The following GABRG3 variants were observed in gnomAD, a reference collection of about 807,000 sequenced individuals.
GABRG3 encodes the protein gamma-aminobutyric acid receptor subunit gamma-3.
GABRG3 carries 25 observed loss-of-function variants against 48.8 expected under a neutral mutation model. That is an observed-to-expected ratio of 0.51 (90% CI 0.37 to 0.72). The LOEUF (loss-of-function observed/expected upper bound fraction) is 0.72, where lower values mean the gene tolerates loss of function less well. Ranked by LOEUF, GABRG3 falls within the 30% of genes least tolerant of loss-of-function variation. The pLI is 0.00. For missense variants in GABRG3, 394 were observed against 577.9 expected (o/e 0.68, Z 3.26); for synonymous variants, 227 against 217.6 (o/e 1.04, Z -0.38).
intron 3 of GABRG3, among the ~76,000 whole-genome samples, chr15:27,073,834 G>A (rs181750420): frequency 6.6e-6 from 1 of 152,338 alleles, no homozygotes; most frequent in East Asian, 1.9e-4. Flanking sequence ...AACTGAGGAA[G>A]GATCACTGCC....
chr15:27,117,645 A>G (rs952522496), intron 3 of GABRG3, among the ~76,000 whole-genome samples: 1 of 152,234 alleles, frequency 6.6e-6, no homozygotes, highest in African/African-American at 2.4e-5. Flanking sequence ...AGGGCTGCTC[A>G]GATTATTAGA....
chr15:27,086,767 G>A (rs1361698789), intron 3 of GABRG3, among the ~76,000 whole-genome samples: 1 of 152,188 alleles, frequency 6.6e-6, no homozygotes, highest in Non-Finnish European at 1.5e-5. Flanking sequence ...TGTTTTGTTT[G>A]TAGCAGTTTC....
chr15:27,106,218 G>A (rs1897447422), intron 3 of GABRG3, among the ~76,000 whole-genome samples: 1 of 151,962 alleles, frequency 6.6e-6, no homozygotes, highest in South Asian at 2.1e-4. Context: ...CATAACAGGA[G>A]ATAATAAAAT....
intron 5 of GABRG3, among the ~76,000 whole-genome samples, chr15:27,336,931 C>T (rs1893997033): frequency 6.6e-6 from 1 of 152,152 alleles, no homozygotes; most frequent in African/African-American, 2.4e-5. Flanking sequence ...TGTGGGATCC[C>T]ATTTATATAA....
chr15:27,407,260 G>A (rs991217936), intron 5 of GABRG3, among the ~76,000 whole-genome samples: 3 of 152,088 alleles, frequency 2.0e-5, no homozygotes, highest in Admixed American at 6.5e-5. Flanking sequence ...ATAATTGGCT[G>A]CCACTTACTA....
chr15:27,195,378 C>T (rs1291341843), intron 3 of GABRG3, among the ~76,000 whole-genome samples: 1 of 152,160 alleles, frequency 6.6e-6, no homozygotes, highest in Non-Finnish European at 1.5e-5. Flanking sequence ...TGTCACCAGG[C>T]TGGAGTGCAG....
At position 26,971,531 on chromosome 15, in the gene GABRG3, G is replaced by A; in HGVS notation, c.-5G>A. 1 of 1,526,136 alleles carries A rather than the reference G, an allele frequency of 6.6e-7. No homozygotes were observed. 94.5% of individuals were successfully genotyped at this position (1,526,136 alleles called of 1,614,324 possible). The stretch of plus-strand genomic sequence containing the variant: ...CGGACCCTGCGCCCCGAGCTCCACG[G>A]CACCATGGCCCCGAAGCTGCTGCTC... On this transcript the variant is annotated 5_prime_UTR_variant, in exon 1 of 10. Coordinates refer to ENST00000615808, the MANE Select transcript of GABRG3 (RefSeq NM_033223.5).
intron 5 of GABRG3, among the ~76,000 whole-genome samples, chr15:27,479,291 G>C (rs1200839983): frequency 1.3e-5 from 2 of 152,246 alleles, no homozygotes; most frequent in African/African-American, 4.8e-5. Flanking sequence ...CATGGCCAAT[G>C]GCCAAGGACA....
At chr15:27,251,178 G>T (rs1008394125) in intron 3 of GABRG3, among the ~76,000 whole-genome samples, 1 of 152,178 alleles carries the variant, frequency 6.6e-6, no homozygotes, top group African/African-American at 2.4e-5. Context: ...CCCTAAGAGA[G>T]AATGTCTTTC....
intron 7 of GABRG3, among the ~76,000 whole-genome samples, chr15:27,524,183 A>T (rs1891222389): frequency 6.6e-6 from 1 of 152,080 alleles, no homozygotes; most frequent in Non-Finnish European, 1.5e-5. Context: ...ATGACAATGG[A>T]TTTCTCATCC....
intron 3 of GABRG3, among the ~76,000 whole-genome samples, chr15:27,147,493 G>A (rs1338447573): frequency 6.6e-6 from 1 of 152,016 alleles, no homozygotes; most frequent in Admixed American, 6.5e-5. Flanking sequence ...CCCAATGACA[G>A]TGGAATACAT....
chr15:27,033,214 T>C (rs1433010397), intron 3 of GABRG3, among the ~76,000 whole-genome samples: 1 of 151,714 alleles, frequency 6.6e-6, no homozygotes, highest in East Asian at 1.9e-4. Flanking sequence ...TCACATTACG[T>C]GCCCTGTCAG....
chr15:26,988,364 A>C (rs1895187525), intron 2 of GABRG3, among the ~76,000 whole-genome samples: 1 of 152,184 alleles, frequency 6.6e-6, no homozygotes, highest in Non-Finnish European at 1.5e-5. Context: ...TTAATTAATT[A>C]ACCACTTTAT....
chr15:27,480,457 C>T (rs1306183110), intron 5 of GABRG3, among the ~76,000 whole-genome samples, 193 bp from the exon 6 acceptor site: 1 of 152,196 alleles, frequency 6.6e-6, no homozygotes, highest in Non-Finnish European at 1.5e-5. Context: ...TCGTGAAGAT[C>T]TACAGCTGGA....
intron 5 of GABRG3, among the ~76,000 whole-genome samples, chr15:27,338,550 T>A (rs1894055588): frequency 6.6e-6 from 1 of 152,064 alleles, no homozygotes; most frequent in African/African-American, 2.4e-5. Flanking sequence ...AGGCCACAGG[T>A]CTGTGCAGAG....
intron 3 of GABRG3, among the ~76,000 whole-genome samples, chr15:27,137,300 C>T (rs1333287018): frequency 6.6e-6 from 1 of 152,204 alleles, no homozygotes; most frequent in Non-Finnish European, 1.5e-5. Flanking sequence ...CCACTGTCTC[C>T]AATGAAATAC....
Position 27,532,842 on chromosome 15 carries a change from C to G in GABRG3, c.1365C>G (p.Leu455=). ...TCTTTTTCCCCACGTCCTTCCTGCT[C>G]TTTAACCTGGTCTACTGGGTTGGAT... ...SRVFFPTSFL[L]FNLVYWVGYL... The change falls in exon 10 of 10, where the codon CTC becomes CTG. Residue 455 remains leucine, a synonymous_variant. Transcript: ENST00000615808. The G allele has an allele frequency of 1.2e-6, 2 of 1,613,996 alleles. No individual in the cohort carries two copies. Among genetic ancestry groups the G allele is most frequent in the Non-Finnish European group, 1.7e-6 (2 of 1,179,890 alleles).
intron 3 of GABRG3, among the ~76,000 whole-genome samples, chr15:27,048,919 A>G (rs1344598179): frequency 2.6e-5 from 4 of 152,212 alleles, no homozygotes; most frequent in African/African-American, 9.7e-5. Flanking sequence ...TGTGACAGCC[A>G]GGTCCTGACT....
At chr15:27,118,061 T>G (rs1162414706) in intron 3 of GABRG3, among the ~76,000 whole-genome samples, 2 of 152,196 alleles carry the variant, frequency 1.3e-5, no homozygotes, top group Non-Finnish European at 2.9e-5. Context: ...TCTTAACCAG[T>G]TTCAAGGCTT....
Sources: gnomAD v4.1 joint callset for allele counts (sites outside exome capture counted in the v4.1 genomes callset) on GRCh38, gnomAD v4.1.1 for gene constraint, MANE v1.5 for transcripts, NCBI Gene and HGNC (gene_info 2026-07-23, HGNC 2026-07-21) for gene names.